UBAC2: variants seen among roughly 807,000 people sequenced by gnomAD.
UBAC2 encodes UBA domain containing 2.
In UBAC2, 26 loss-of-function variants were observed where a neutral mutation model predicts 44.0. That is an observed-to-expected ratio of 0.59 (90% CI 0.43 to 0.82). The LOEUF (loss-of-function observed/expected upper bound fraction) is 0.82. UBAC2 is among the 40% of genes least tolerant of loss of function. The probability of loss-of-function intolerance (pLI) is 0.00; values close to 1 mark genes in which losing one functional copy is unlikely to be tolerated. For missense variants in UBAC2, 329 were observed against 419.4 expected (o/e 0.78, Z 1.88); for synonymous variants, 155 against 154.3 (o/e 1.00, Z -0.04).
Position 99,295,388 on chromosome 13 carries a change from AAC to A in UBAC2, c.390-18705_390-18704del. 5 of 1,614,118 alleles carry A rather than the reference AAC, an allele frequency of 3.1e-6. No individual in the cohort carries two copies. Among genetic ancestry groups the A allele is most frequent in the Non-Finnish European group, 4.2e-6 (5 of 1,179,992 alleles). Reference sequence around the variant, plus strand: ...ATGGTAAGGTGTGAAACAGAGAACAAACACAACAATAATAAGAATAATTGTGT... The same window carrying A: ...ATGGTAAGGTGTGAAACAGAGAACAAACAACAATAATAAGAATAATTGTGT... On this transcript the variant is annotated intron_variant, in intron 4 of 8. Transcript: ENST00000403766. This position sits in a 1 kb window ranked among gnomAD's most constrained non-coding sequence, Gnocchi z 4.1.
At chr13:99,315,605 T>C (rs1331827134) in intron 5 of UBAC2, among the ~76,000 whole-genome samples, 1 of 152,200 alleles carries the variant, frequency 6.6e-6, no homozygotes, top group African/African-American at 2.4e-5. Context: ...GCTTTGTCAC[T>C]TACTTTTTCT....
chr13:99,363,187 T>C (rs1469326757), intron 7 of UBAC2, among the ~76,000 whole-genome samples: 2 of 152,234 alleles, frequency 1.3e-5, no homozygotes, highest in African/African-American at 4.8e-5. Context: ...CTCTGTCTTC[T>C]GTTTGGATTT....
At chr13:99,293,843 G>A (rs1380105639) in intron 4 of UBAC2, among the ~76,000 whole-genome samples, 4 of 152,136 alleles carry the variant, frequency 2.6e-5, no homozygotes, top group African/African-American at 7.2e-5. Context: ...AATTTAAAGT[G>A]TAACAGAGTG....
At chr13:99,289,638 G>A (rs1272255029) in intron 4 of UBAC2, among the ~76,000 whole-genome samples, 32 of 151,894 alleles carry the variant, frequency 2.1e-4, no homozygotes, top group Non-Finnish European at 2.9e-5. Flanking sequence ...ATTCCAAGTA[G>A]GTTAAACACT....
intron 7 of UBAC2, chr13:99,351,603 A>G (rs887326009): frequency 2.0e-5 from 9 of 456,632 alleles, no homozygotes; most frequent in East Asian, 6.9e-5. Flanking sequence ...GTGGGAGCCA[A>G]TCCTCTCTCT....
At chr13:99,291,744 G>A (rs1016215497) in intron 4 of UBAC2, among the ~76,000 whole-genome samples, 3 of 152,154 alleles carry the variant, frequency 2.0e-5, no homozygotes, top group South Asian at 4.1e-4. Context: ...AGTTACACAC[G>A]TGCTCTAGCA....
At chr13:99,208,647 G>A (rs541460968) in intron 1 of UBAC2, among the ~76,000 whole-genome samples, 1 of 152,308 alleles carries the variant, frequency 6.6e-6, no homozygotes, top group Non-Finnish European at 1.5e-5. Flanking sequence ...CCGAAAAAGC[G>A]GTGTGACAGG....
intron 6 of UBAC2, among the ~76,000 whole-genome samples, chr13:99,325,468 A>G (rs1165683870): frequency 6.6e-6 from 1 of 151,950 alleles, no homozygotes; most frequent in African/African-American, 2.4e-5. Context: ...TATATCCCCT[A>G]TTTCACTCAC....
In UBAC2 at chr13:99,383,474, C is replaced by T. The variant is rs2045577719; in HGVS notation, c.928-1754C>T. Among the ~76,000 whole-genome samples, 4 of 152,364 alleles carry T rather than the reference C, an allele frequency of 2.6e-5. No individual in the cohort carries two copies. In the South Asian group the frequency reaches 6.2e-4, roughly 24 times the overall value. ...CTAGAAGGTTTCTGCCTTTGCTCTA[C>T]GCTGTCCACCAGCCCTGGGCAGCTG... On this transcript the variant is annotated intron_variant, in intron 8 of 8. Coordinates refer to ENST00000403766, the MANE Select transcript of UBAC2 (RefSeq NM_001144072.2).
intron 7 of UBAC2, among the ~76,000 whole-genome samples, chr13:99,358,527 A>C (rs746067503): frequency 4.6e-5 from 7 of 152,218 alleles, no homozygotes; most frequent in Non-Finnish European, 7.3e-5. Context: ...AAAAATCTAT[A>C]TTTATGTTAG....
At chr13:99,223,005 T>C (rs1308888607) in intron 1 of UBAC2, among the ~76,000 whole-genome samples, 5 of 152,188 alleles carry the variant, frequency 3.3e-5, no homozygotes, top group Admixed American at 6.5e-5. Context: ...TAACTATAAA[T>C]TCAATTTCAT....
intron 7 of UBAC2, among the ~76,000 whole-genome samples, chr13:99,366,283 T>C (rs1004797253): frequency 1.3e-5 from 2 of 152,204 alleles, no homozygotes; most frequent in Admixed American, 6.5e-5. Context: ...CCCAGTCTCT[T>C]GTGTGTTTTG....
intron 7 of UBAC2, among the ~76,000 whole-genome samples, chr13:99,358,809 C>CA (rs2045225338): frequency 1.3e-5 from 2 of 152,096 alleles, no homozygotes; most frequent in Middle Eastern, 3.2e-3. Flanking sequence ...CACCCCAAGA[C>CA]AGGGGACACA....
intron 4 of UBAC2, among the ~76,000 whole-genome samples, chr13:99,250,667 G>A (rs1302999917): frequency 2.0e-5 from 3 of 152,098 alleles, no homozygotes; most frequent in African/African-American, 7.2e-5. Flanking sequence ...GGTCAGTATG[G>A]CCATTTTAAT....
intron 6 of UBAC2, among the ~76,000 whole-genome samples, chr13:99,330,391 C>G (rs117651102): frequency 0.036 from 4,554 of 126,326 alleles, 93 homozygotes; most frequent in Middle Eastern, 0.21. Context: ...CCTGGGACGC[C>G]GAGGTTGTAG....
intron 8 of UBAC2, among the ~76,000 whole-genome samples, chr13:99,375,052 T>TA (rs1566528712): frequency 1.3e-5 from 2 of 152,214 alleles, no homozygotes; most frequent in African/African-American, 4.8e-5. Context: ...TTAGATGTGT[T>TA]ACAATGAAAT....
intron 1 of UBAC2, chr13:99,201,650 C>A: frequency 6.8e-7 from 1 of 1,472,424 alleles, no homozygotes; most frequent in Non-Finnish European, 9.3e-7. Context: ...AGGTAGACTG[C>A]GTGTTAACAG....
At chr13:99,236,722 T>C (rs1336317245) in intron 1 of UBAC2, among the ~76,000 whole-genome samples, 5 of 152,044 alleles carry the variant, frequency 3.3e-5, no homozygotes, top group Admixed American at 1.3e-4. Context: ...TGGTGGTGGG[T>C]GCCTGTAATC....
chr13:99,365,388 G>C (rs1020164570), intron 7 of UBAC2, among the ~76,000 whole-genome samples: 1 of 151,870 alleles, frequency 6.6e-6, no homozygotes, highest in African/African-American at 2.4e-5. Flanking sequence ...ATTGGGTATA[G>C]TTAACCCTTT....
Sources: allele counts gnomAD v4.1 joint callset (sites outside exome capture counted in the v4.1 genomes callset), GRCh38; gene constraint gnomAD v4.1.1; non-coding constraint Gnocchi (gnomAD v3.1); transcripts MANE v1.5; gene names NCBI Gene and HGNC (gene_info 2026-07-23, HGNC 2026-07-21).